The following RBM33 variants were observed in gnomAD, a reference collection of about 807,000 sequenced individuals.
The protein encoded by RBM33 is RNA binding motif protein 33, also known as RNA-binding protein 33.
A neutral mutation model predicts 132.6 loss-of-function variants in RBM33; 28 were observed. The ratio of observed to expected loss-of-function variants is 0.21; its 90% CI spans 0.16 to 0.29. RBM33 has a LOEUF of 0.29. Ranked by LOEUF, RBM33 falls within the 10% of genes least tolerant of loss-of-function variation. The pLI is 1.00. For missense variants in RBM33, 1,291 were observed against 1,518.5 expected (o/e 0.85, Z 2.49); for synonymous variants, 634 against 593.0 (o/e 1.07, Z -1.01).
chr7:155,775,553 G>T lies in RBM33; in HGVS notation c.*512G>T, dbSNP rs1206341672. 4 of 173,640 alleles carry T rather than the reference G, an allele frequency of 2.3e-5. No homozygotes were observed. In the East Asian group the frequency reaches 4.5e-4, roughly 19 times the overall value. 10.8% of individuals were successfully genotyped at this position (173,640 alleles called of 1,614,324 possible). ...GTACAAAATGTAGATTAAAATTTGGGTGATTGTTGATTGACCTTTGCATAC... is the reference window on the plus strand; with the variant it reads ...GTACAAAATGTAGATTAAAATTTGGTTGATTGTTGATTGACCTTTGCATAC... On this transcript the variant is annotated 3_prime_UTR_variant, in exon 18 of 18. Coordinates refer to ENST00000401878, the MANE Select transcript of RBM33 (RefSeq NM_053043.3).
At chr7:155,734,251 G>A (rs942026466) in intron 9 of RBM33, among the ~76,000 whole-genome samples, 2 of 152,226 alleles carry the variant, frequency 1.3e-5, no homozygotes, top group Admixed American at 6.5e-5. Context: ...TGCTTCTGTG[G>A]GTTGAGGATG....
chr7:155,766,417 G>A (rs1373642624), intron 15 of RBM33, 50 bp from the exon 16 acceptor site: 6 of 1,587,798 alleles, frequency 3.8e-6, no homozygotes, highest in African/African-American at 2.7e-5. Flanking sequence ...AGTGACTATC[G>A]AAGAAGCTCA....
intron 3 of RBM33, among the ~76,000 whole-genome samples, chr7:155,673,782 A>G (rs1395757723): frequency 5.4e-5 from 8 of 148,946 alleles, no homozygotes; most frequent in South Asian, 4.2e-4. Flanking sequence ...ACACACACAC[A>G]CACACACACA....
chr7:155,719,307 A>G (rs1239919825), intron 9 of RBM33, among the ~76,000 whole-genome samples: 1 of 152,184 alleles, frequency 6.6e-6, no homozygotes, highest in African/African-American at 2.4e-5. Context: ...TAAATGGCTT[A>G]TTTAACTGTT....
chr7:155,742,163 A>T, intron 13 of RBM33, 57 bp downstream of exon 13: 1 of 1,482,316 alleles, frequency 6.7e-7, no homozygotes, highest in Non-Finnish European at 9.1e-7. Context: ...CTTAGAATCA[A>T]CTTGGATGTC....
rs768057689 is a variant in RBM33 at position 155,742,002 on chromosome 7, C to A, written c.2233C>A (p.Arg745=). Residue 745 remains arginine (R), a synonymous_variant, in exon 13 of 18, where the codon CGG becomes AGG. Transcript: ENST00000401878. ...KPIVSASPPS[R]AVAGSRSSQG... Reference sequence around the variant, plus strand: ...TATCGTCAGCGCGTCACCACCCTCGCGGGCCGTGGCGGGTTCCAGAAGCTC... The same window carrying A: ...TATCGTCAGCGCGTCACCACCCTCGAGGGCCGTGGCGGGTTCCAGAAGCTC... The A allele has an allele frequency of 6.0e-5, 97 of 1,613,888 alleles. No individual in the cohort carries two copies. The highest frequency in any genetic ancestry group is 8.2e-5 in the Non-Finnish European group (97 of 1,179,902).
At chr7:155,703,059 G>C (rs548452389) in intron 6 of RBM33, among the ~76,000 whole-genome samples, 59 of 152,068 alleles carry the variant, frequency 3.9e-4, no homozygotes, top group African/African-American at 1.3e-3. Context: ...CTGGTTTCCA[G>C]CTGCGTTATC....
intron 2 of RBM33, among the ~76,000 whole-genome samples, chr7:155,668,696 A>C (rs79761650): frequency 1.5e-3 from 227 of 152,304 alleles, no homozygotes; most frequent in Middle Eastern, 6.8e-3. Context: ...TAAGTGATTG[A>C]GTCTTTCCTG....
intron 3 of RBM33, among the ~76,000 whole-genome samples, chr7:155,674,376 T>C (rs1001975405): frequency 2.6e-5 from 4 of 152,156 alleles, no homozygotes; most frequent in African/African-American, 9.7e-5. Flanking sequence ...TTCTAGGTGC[T>C]CTCACTTGTA....
chr7:155,736,726 A>G lies in RBM33; in HGVS notation c.1261-804A>G, dbSNP rs149971523. Reference sequence around the variant, plus strand: ...TGAATTTCTTTTTCTTTTAAAGTGAAGCAGCTTCATAGCTGCAGCTTACAG... The same window carrying G: ...TGAATTTCTTTTTCTTTTAAAGTGAGGCAGCTTCATAGCTGCAGCTTACAG... On this transcript the variant is annotated intron_variant, in intron 9 of 17. Transcript: ENST00000401878. Among the ~76,000 whole-genome samples the G allele has an allele frequency of 2.8e-4, 42 of 152,336 alleles. No homozygotes were observed. In the East Asian group the frequency reaches 7.3e-3, roughly 27 times the overall value.
At chr7:155,671,995 T>C (rs1798954621) in intron 2 of RBM33, among the ~76,000 whole-genome samples, 1 of 152,162 alleles carries the variant, frequency 6.6e-6, no homozygotes, top group Non-Finnish European at 1.5e-5. Context: ...AAAACAGAAA[T>C]ATGCTAGAAA....
At chr7:155,654,859 C>T (rs905131643) in intron 1 of RBM33, among the ~76,000 whole-genome samples, 1 of 152,146 alleles carries the variant, frequency 6.6e-6, no homozygotes. Context: ...TATTTGTCCT[C>T]ACATTATATG....
intron 1 of RBM33, among the ~76,000 whole-genome samples, chr7:155,653,460 T>G (rs1798409471): frequency 6.7e-6 from 1 of 148,152 alleles, no homozygotes. Flanking sequence ...TCTACACTAA[T>G]GAGATGGCTT....
chr7:155,711,100 A>G, intron 7 of RBM33, 103 bp from the exon 8 acceptor site: 1 of 1,396,694 alleles, frequency 7.2e-7, no homozygotes, highest in Non-Finnish European at 9.3e-7. Context: ...AATCAGTGTA[A>G]ATTTGTAACA....
At chr7:155,649,047 C>A (rs559497315) in intron 1 of RBM33, among the ~76,000 whole-genome samples, 7 of 152,226 alleles carry the variant, frequency 4.6e-5, no homozygotes, top group African/African-American at 1.7e-4. Context: ...ATGTCTTTCA[C>A]CAAATTTGGA....
At chr7:155,649,813 A>G (rs1270316855) in intron 1 of RBM33, among the ~76,000 whole-genome samples, 2 of 152,192 alleles carry the variant, frequency 1.3e-5, no homozygotes, top group East Asian at 3.8e-4. Context: ...AAAACCAAAA[A>G]ACAAACAAAA....
At chr7:155,751,120 G>A (rs1801675362) in intron 14 of RBM33, among the ~76,000 whole-genome samples, 1 of 152,172 alleles carries the variant, frequency 6.6e-6, no homozygotes, top group Non-Finnish European at 1.5e-5. Context: ...GTTTTGTGGA[G>A]CTTGGGGAGG....
At chr7:155,659,027 C>T (rs940257499) in intron 1 of RBM33, among the ~76,000 whole-genome samples, 15 of 152,120 alleles carry the variant, frequency 9.9e-5, no homozygotes, top group Admixed American at 9.2e-4. Flanking sequence ...ACTTCAGTGA[C>T]CACACTTAAG....
chr7:155,765,193 T>C (rs768527482), intron 15 of RBM33, among the ~76,000 whole-genome samples: 3 of 152,232 alleles, frequency 2.0e-5, no homozygotes, highest in East Asian at 1.9e-4. Flanking sequence ...GAGCATCTTA[T>C]AAGAAGATGC....
Sources: gnomAD v4.1 joint callset for allele counts (sites outside exome capture counted in the v4.1 genomes callset) on GRCh38, gnomAD v4.1.1 for gene constraint, MANE v1.5 for transcripts, NCBI Gene and HGNC (gene_info 2026-07-23, HGNC 2026-07-21) for gene names.